Variants in KDM2B observed in about 807,000 individuals in gnomAD.
KDM2B encodes the protein lysine demethylase 2B.
In KDM2B, 26 loss-of-function variants were observed where a neutral mutation model predicts 150.0. The observed-to-expected ratio is 0.17, with a 90% CI of 0.13 to 0.24. The LOEUF (loss-of-function observed/expected upper bound fraction) is 0.24. Among genes scored for constraint, KDM2B ranks in the 10% least tolerant of loss-of-function variants. The pLI is 1.00. For missense variants in KDM2B, 1,265 were observed against 1,816.9 expected, an observed-to-expected ratio of 0.70 and a Z score of 5.52; for synonymous variants, 734 against 729.5, an observed-to-expected ratio of 1.01 and a Z score of -0.10.
intron 8 of KDM2B, chr12:121,524,695 C>T (rs1156559428): frequency 2.0e-5 from 9 of 454,514 alleles, no homozygotes; most frequent in East Asian, 7.0e-5. Context: ...GATGGCCTCT[C>T]GACAGCCCAG....
At chr12:121,580,567 C>T in intron 1 of KDM2B, 4 of 323,674 alleles carry the variant, frequency 1.2e-5, no homozygotes, top group South Asian at 9.8e-5. Flanking sequence ...CCGGAGATGG[C>T]GGGGCAGGGA....
intron 12 of KDM2B, among the ~76,000 whole-genome samples, chr12:121,461,722 C>T (rs1879144637): frequency 6.6e-6 from 1 of 152,118 alleles, no homozygotes; most frequent in African/African-American, 2.4e-5. Context: ...GAAGGTGTTG[C>T]CCAGCAAGCA....
chr12:121,454,346 G>A (rs1323358128), intron 12 of KDM2B, among the ~76,000 whole-genome samples: 1 of 152,214 alleles, frequency 6.6e-6, no homozygotes, highest in Non-Finnish European at 1.5e-5. Flanking sequence ...ATCTTCCCTA[G>A]ATGGGCTCCA....
upstream of KDM2B, among the ~76,000 whole-genome samples, chr12:121,581,999 G>C (rs534258831): frequency 6.6e-6 from 1 of 152,318 alleles, no homozygotes; most frequent in East Asian, 1.9e-4. Flanking sequence ...TTTAAGCAGG[G>C]ATGAGGCTGG....
chr12:121,499,571 G>A (rs1393421615), intron 11 of KDM2B, among the ~76,000 whole-genome samples: 1 of 152,030 alleles, frequency 6.6e-6, no homozygotes, highest in Non-Finnish European at 1.5e-5. Flanking sequence ...AGGATTGCTT[G>A]AGCCCAGGAG....
At chr12:121,580,635 C>A in intron 1 of KDM2B, 151 bp downstream of exon 1, 4 of 1,274,948 alleles carry the variant, frequency 3.1e-6, no homozygotes, top group Non-Finnish European at 4.2e-6. Flanking sequence ...CTGGCCTCAG[C>A]GGGAGGCGCG....
chr12:121,440,141 G>A, intron 21 of KDM2B, 66 bp from the exon 22 acceptor site: 1 of 1,274,930 alleles, frequency 7.8e-7, no homozygotes. Context: ...ATGCTGACAT[G>A]ACACTCTAAA....
the KDM2B span, among the ~76,000 whole-genome samples, chr12:121,417,350 G>A: frequency 6.6e-6 from 1 of 152,194 alleles, no homozygotes; most frequent in African/African-American, 2.4e-5. This position sits in a 1 kb window ranked among gnomAD's most constrained non-coding sequence, Gnocchi z 5.0. Flanking sequence ...GATTTTCATG[G>A]CTTTTGAAAC....
At chr12:121,578,549 C>T (rs1172366599) in intron 2 of KDM2B, among the ~76,000 whole-genome samples, 3 of 152,064 alleles carry the variant, frequency 2.0e-5, no homozygotes, top group Non-Finnish European at 2.9e-5. Flanking sequence ...TGTCCGCCGG[C>T]CCCCTGGCTC....
At chr12:121,449,517 C>A (rs1163265525) in intron 13 of KDM2B, among the ~76,000 whole-genome samples, 4 of 152,132 alleles carry the variant, frequency 2.6e-5, no homozygotes, top group Non-Finnish European at 4.4e-5. Context: ...CCAGCATGCG[C>A]TGTGCCAGGC....
At chr12:121,438,532 A>T (rs1874389316) in intron 22 of KDM2B, among the ~76,000 whole-genome samples, 4 of 152,146 alleles carry the variant, frequency 2.6e-5, no homozygotes, top group Admixed American at 2.6e-4. Context: ...ATTCAAGGCC[A>T]TGACCTGGCC....
At chr12:121,457,739 TACACACACACACACACACACAC>T (rs138823282) in intron 12 of KDM2B, among the ~76,000 whole-genome samples, 1 of 144,994 alleles carries the variant, frequency 6.9e-6, no homozygotes, top group Non-Finnish European at 1.5e-5. Context: ...ATCGGAAACA[TACACACACACACACACACACAC>T]ACACACACAC....
Position 121,467,474 on chromosome 12 carries a change from C to T in KDM2B, c.1735-14130G>A, listed in dbSNP as rs1351079007. 47 of 479,506 alleles carry T rather than the reference C, an allele frequency of 9.8e-5. No homozygotes were observed. The highest frequency in any genetic ancestry group is 1.3e-4 in the African/African-American group (6 of 47,056). The allele number at this position is 479,506 out of a possible 1,614,324, so 29.7% of individuals were successfully genotyped here. On this transcript the variant is annotated intron_variant, in intron 12 of 22. Coordinates refer to ENST00000377071, the MANE Select transcript of KDM2B (RefSeq NM_032590.5). The surrounding 1 kb of genome is among the most constrained non-coding windows in gnomAD (Gnocchi z 5.1). The stretch of plus-strand genomic sequence containing the variant: ...GGGCTGGCCCCCCGGGCGGGCGGGC[C>T]AATGGCGCGGCCGCGGCGCTGGGGC...
the KDM2B span, among the ~76,000 whole-genome samples, chr12:121,411,133 G>A: frequency 6.6e-6 from 1 of 152,180 alleles, no homozygotes; most frequent in Non-Finnish European, 1.5e-5. Context: ...GTCTCCCTAT[G>A]TTGCCCAGGC....
intron 12 of KDM2B, among the ~76,000 whole-genome samples, chr12:121,463,204 A>G (rs1879353357): frequency 6.6e-6 from 1 of 151,734 alleles, no homozygotes; most frequent in African/African-American, 2.4e-5. Flanking sequence ...AGTCCTAGCC[A>G]CTCAGGAGGC....
intron 12 of KDM2B, among the ~76,000 whole-genome samples, chr12:121,488,801 TTTTG>T (rs1305772052): frequency 1.3e-5 from 2 of 151,736 alleles, no homozygotes; most frequent in East Asian, 1.9e-4. Context: ...TTTTTTGGTT[TTTTG>T]TTTGTTTGTT....
At chr12:121,547,363 T>G (rs1374907636) in intron 6 of KDM2B, among the ~76,000 whole-genome samples, 2 of 151,858 alleles carry the variant, frequency 1.3e-5, no homozygotes, top group Non-Finnish European at 2.9e-5. Context: ...ACAAAGTAAT[T>G]AAAGAAAGAG....
chr12:121,456,971 T>C (rs573077653), intron 12 of KDM2B, among the ~76,000 whole-genome samples: 43 of 152,274 alleles, frequency 2.8e-4, no homozygotes, highest in Non-Finnish European at 4.6e-4. Context: ...GCCTGGCTCA[T>C]CAAGAGTTGG....
intron 4 of KDM2B, among the ~76,000 whole-genome samples, chr12:121,550,076 G>A (rs1027851688): frequency 3.9e-5 from 6 of 152,084 alleles, no homozygotes; most frequent in Admixed American, 6.6e-5. Flanking sequence ...TTGGGAGGCC[G>A]AGGAGGGCGG....
Sources: allele counts gnomAD v4.1 joint callset (sites outside exome capture counted in the v4.1 genomes callset), GRCh38; gene constraint gnomAD v4.1.1; non-coding constraint Gnocchi (gnomAD v3.1); transcripts MANE v1.5; gene names NCBI Gene and HGNC (gene_info 2026-07-23, HGNC 2026-07-21).